Variants in HDX observed in about 807,000 individuals in gnomAD.
HDX encodes the protein chromosome X open reading frame 43.
Under a neutral mutation model 45.2 loss-of-function variants are expected in HDX, and 19 were observed. The observed-to-expected ratio is 0.42, with a 90% CI of 0.29 to 0.62. HDX has a LOEUF of 0.62. Ranked by LOEUF, HDX falls within the 20% of genes least tolerant of loss-of-function variation. The probability of loss-of-function intolerance (pLI) is 0.20; values close to 1 mark genes in which losing one functional copy is unlikely to be tolerated. For missense variants in HDX, 532 were observed against 493.9 expected, an observed-to-expected ratio of 1.08 and a Z score of -0.73; for synonymous variants, 188 against 172.8, an observed-to-expected ratio of 1.09 and a Z score of -0.69.
At chrX:84,377,789 A>T (rs995258914) in intron 5 of HDX, among the ~76,000 whole-genome samples, 1 of 111,615 alleles carries the variant, frequency 9.0e-6, no homozygotes. Context: ...TCTAAGAGTT[A>T]TTGGCCTTAA....
intron 6 of HDX, among the ~76,000 whole-genome samples, chrX:84,353,664 CATT>C (rs1287872209): frequency 8.1e-5 from 9 of 111,057 alleles, no homozygotes; most frequent in Non-Finnish European, 1.7e-4. Flanking sequence ...GCTGGCAAAA[CATT>C]ATTTCTAGGT....
At chrX:84,423,091 A>C (rs1397085144) in intron 5 of HDX, among the ~76,000 whole-genome samples, 4 of 111,299 alleles carry the variant, frequency 3.6e-5, no homozygotes, top group Admixed American at 1.9e-4. Flanking sequence ...AAGTTAAAGG[A>C]TCCTCAGTGG....
chrX:84,349,403 ATG>A (rs58864600), intron 6 of HDX, among the ~76,000 whole-genome samples: 7,567 of 68,278 alleles, frequency 0.11, 576 homozygotes, highest in African/African-American at 0.25. Flanking sequence ...ATATATATAT[ATG>A]TGTGTGTGTG....
At chrX:84,374,275 G>A (rs1324692547) in intron 5 of HDX, among the ~76,000 whole-genome samples, 1 of 110,051 alleles carries the variant, frequency 9.1e-6, no homozygotes, top group Non-Finnish European at 1.9e-5. Context: ...CAAACAAATG[G>A]AAGAACATTC....
intron 4 of HDX, among the ~76,000 whole-genome samples, chrX:84,464,162 A>G (rs1434166060): frequency 9.0e-6 from 1 of 111,299 alleles, no homozygotes; most frequent in Non-Finnish European, 1.9e-5. Flanking sequence ...CCACTGCTCA[A>G]GGAAATAAGA....
chrX:84,398,666 A>C (rs1233422942), intron 5 of HDX, among the ~76,000 whole-genome samples: 1 of 111,874 alleles, frequency 8.9e-6, no homozygotes, highest in East Asian at 2.8e-4. Context: ...ATTGAGAGAC[A>C]AAATTAGCAG....
chrX:84,346,370 A>C (rs1470894760), intron 6 of HDX, among the ~76,000 whole-genome samples: 2 of 111,736 alleles, frequency 1.8e-5, no homozygotes, highest in Admixed American at 1.9e-4. Flanking sequence ...TTGTAGATAC[A>C]TATGAGATAA....
chrX:84,468,862 G>A lies in HDX; in HGVS notation c.861C>T (p.Ser287=), dbSNP rs1283478400. 1 of 1,211,512 alleles carries A rather than the reference G, an allele frequency of 8.3e-7. No homozygotes were observed. The highest frequency in any genetic ancestry group is 1.1e-6 in the Non-Finnish European group (1 of 895,311). ...ILGGNAPQKP[S]SAEGNCLSIA... ...TGGACAAACAATTTCCTTCTGCTGAGCTAGGCTTCTGTGGGGCATTTCCTC... is the reference window on the plus strand; with the variant it reads ...TGGACAAACAATTTCCTTCTGCTGAACTAGGCTTCTGTGGGGCATTTCCTC... The change falls in exon 4 of 11, where the codon AGC becomes AGT. Residue 287 remains serine (S), a synonymous_variant. Coordinates refer to ENST00000373177, the MANE Select transcript of HDX (RefSeq NM_001177479.2).
In HDX at chrX:84,354,930, C is replaced by T. The variant is rs568079713; in HGVS notation, c.1452+6536G>A. 5.8e-3 allele frequency among the ~76,000 whole-genome samples: 436 copies of T among 74,609 alleles called. 1 individual carries two copies. Among genetic ancestry groups the T allele is most frequent in the Non-Finnish European group, 9.4e-3 (375 of 39,936 alleles). 64.8% of individuals were successfully genotyped at this position (74,609 alleles called of 115,157 possible). A position where few individuals can be genotyped will look rare whatever the true frequency, so the allele number is the denominator to read the frequency against. ...ACATATATATATATACACACACACA[C>T]ATATATATATATATATATATATATA... On this transcript the variant is annotated intron_variant, in intron 6 of 10. Coordinates refer to ENST00000373177, the MANE Select transcript of HDX (RefSeq NM_001177479.2).
intron 2 of HDX, among the ~76,000 whole-genome samples, chrX:84,482,207 A>AT (rs1330224542): frequency 4.5e-5 from 5 of 110,973 alleles, no homozygotes; most frequent in Middle Eastern, 4.6e-3. Context: ...AGATAAAACA[A>AT]TTTTTTTTCG....
chrX:84,472,826 A>G (rs2040477189), intron 3 of HDX, among the ~76,000 whole-genome samples: 1 of 110,867 alleles, frequency 9.0e-6, no homozygotes, highest in East Asian at 2.9e-4. Context: ...GAAAATAAAG[A>G]AAACACATTG....
chrX:84,346,308 C>T (rs955540128), intron 6 of HDX, among the ~76,000 whole-genome samples: 1 of 110,806 alleles, frequency 9.0e-6, no homozygotes, highest in African/African-American at 3.3e-5. Context: ...GCTATGATCA[C>T]ATTACATTAA....
intron 5 of HDX, among the ~76,000 whole-genome samples, chrX:84,418,321 T>A (rs1296825677): frequency 8.9e-6 from 1 of 111,887 alleles, no homozygotes; most frequent in Non-Finnish European, 1.9e-5. Context: ...ATGAATGGGT[T>A]TCAAAAGAAA....
At chrX:84,328,969 G>A (rs1449006487) in intron 9 of HDX, among the ~76,000 whole-genome samples, 2 of 111,824 alleles carry the variant, frequency 1.8e-5, no homozygotes, top group Admixed American at 9.5e-5. Flanking sequence ...CAGAAAGGGG[G>A]GACAACTGGA....
At chrX:84,327,959 ATGCACCACCATCCATG>A (rs2036751302) in intron 9 of HDX, among the ~76,000 whole-genome samples, 1 of 109,566 alleles carries the variant, frequency 9.1e-6, no homozygotes, top group Non-Finnish European at 1.9e-5. Flanking sequence ...GACTACAGGT[ATGCACCACCATCCATG>A]GCTAATTATT....
intron 4 of HDX, among the ~76,000 whole-genome samples, chrX:84,454,747 T>C (rs1418152736): frequency 9.0e-6 from 1 of 110,914 alleles, no homozygotes; most frequent in Non-Finnish European, 1.9e-5. Context: ...GGCTATAATT[T>C]CCATGGACCT....
chrX:84,498,024 A>C (rs995872924), intron 1 of HDX, among the ~76,000 whole-genome samples: 6 of 111,797 alleles, frequency 5.4e-5, no homozygotes, highest in Admixed American at 3.8e-4. Context: ...AGGGAAAAGA[A>C]GCTAAGGAGA....
intron 5 of HDX, among the ~76,000 whole-genome samples, chrX:84,374,247 A>G (rs2037980409): frequency 2.7e-5 from 3 of 110,935 alleles, no homozygotes; most frequent in South Asian, 3.8e-4. Flanking sequence ...CCATTGCTCA[A>G]TGAAATAAAG....
intron 5 of HDX, among the ~76,000 whole-genome samples, chrX:84,414,621 G>A (rs893790456): frequency 1.5e-4 from 17 of 111,569 alleles, no homozygotes; most frequent in African/African-American, 5.2e-4. Flanking sequence ...GACTTCTGCC[G>A]AAAACACACC....
Sources: allele counts gnomAD v4.1 joint callset (sites outside exome capture counted in the v4.1 genomes callset), GRCh38; gene constraint gnomAD v4.1.1; transcripts MANE v1.5; gene names NCBI Gene and HGNC (gene_info 2026-07-23, HGNC 2026-07-21).